The following SLC23A2 variants were observed in gnomAD, a reference collection of about 807,000 sequenced individuals.
The protein encoded by SLC23A2 is Na(+)/L-ascorbic acid transporter 2.
Under a neutral mutation model 73.3 loss-of-function variants are expected in SLC23A2, and 36 were observed. The ratio of observed to expected loss-of-function variants is 0.49; its 90% confidence interval spans 0.38 to 0.65. The LOEUF (loss-of-function observed/expected upper bound fraction) is 0.65, where lower values mean the gene tolerates loss of function less well. Among genes scored for constraint, SLC23A2 ranks in the 30% least tolerant of loss-of-function variants. The pLI is 0.00. For synonymous variants in SLC23A2, 343 were observed against 327.3 expected (o/e 1.05, Z -0.52); for missense variants, 507 against 841.6 (o/e 0.60, Z 4.92).
At position 4,906,227 on chromosome 20, in the gene SLC23A2, C is replaced by T. The variant is rs190706532; in HGVS notation, c.208-3669G>A. Among the ~76,000 whole-genome samples, 5 of 152,132 alleles carry T rather than the reference C, an allele frequency of 3.3e-5. No individual in the cohort carries two copies. The East Asian group carries it at 7.7e-4, about 24-fold the overall frequency. On this transcript the variant is annotated intron_variant, in intron 4 of 16. Coordinates refer to ENST00000338244, the MANE Select transcript of SLC23A2 (RefSeq NM_005116.6). ...GTGGTGGCACATGCCAGTGATCACC[C>T]GCTCAGGAGTCTGAGGTAGGAGCAT...
At chr20:4,943,961 G>C (rs1002346170) in intron 2 of SLC23A2, among the ~76,000 whole-genome samples, 1 of 152,124 alleles carries the variant, frequency 6.6e-6, no homozygotes, top group Admixed American at 6.5e-5. Context: ...ACCATTCTAC[G>C]GGAAGCGGAG....
At chr20:4,911,817 C>T (rs11905515) in intron 4 of SLC23A2, among the ~76,000 whole-genome samples, 1,733 of 150,956 alleles carry the variant, frequency 0.011, 36 homozygotes, top group African/African-American at 0.039. Context: ...TCTGGACCTA[C>T]TTTATTTTAT....
intron 3 of SLC23A2, among the ~76,000 whole-genome samples, chr20:4,928,807 T>C (rs1453592526): frequency 6.6e-6 from 1 of 152,182 alleles, no homozygotes. Flanking sequence ...CCAGCTCCCA[T>C]GCTCTCACAG....
At chr20:4,977,644 G>A (rs992860513) in intron 1 of SLC23A2, among the ~76,000 whole-genome samples, 1 of 150,892 alleles carries the variant, frequency 6.6e-6, no homozygotes, top group Non-Finnish European at 1.5e-5. Flanking sequence ...GCTGCAGTGA[G>A]CTGAGACTGC....
intron 9 of SLC23A2, among the ~76,000 whole-genome samples, chr20:4,879,787 T>G (rs1206590740): frequency 6.6e-6 from 1 of 152,252 alleles, no homozygotes; most frequent in African/African-American, 2.4e-5. Context: ...GCATTATGCC[T>G]TGTTCTTTCA....
At chr20:4,903,370 T>G (rs889765480) in intron 4 of SLC23A2, among the ~76,000 whole-genome samples, 2 of 152,096 alleles carry the variant, frequency 1.3e-5, no homozygotes, top group African/African-American at 2.4e-5. Flanking sequence ...TAGCCCCGAG[T>G]TCCCCAGGAG....
At chr20:4,967,157 A>G (rs2087488188) in intron 2 of SLC23A2, among the ~76,000 whole-genome samples, 2 of 152,140 alleles carry the variant, frequency 1.3e-5, no homozygotes, top group South Asian at 2.1e-4. Flanking sequence ...AAAGGTAAAC[A>G]TTACTCAAAT....
At chr20:4,864,470 G>T (rs970850157) in intron 13 of SLC23A2, among the ~76,000 whole-genome samples, 10 of 152,166 alleles carry the variant, frequency 6.6e-5, no homozygotes, top group Admixed American at 6.5e-4. Flanking sequence ...ACCACAGACG[G>T]CAGGGAAGCA....
chr20:4,948,040 G>A (rs60119693), intron 2 of SLC23A2, among the ~76,000 whole-genome samples: 1 of 152,080 alleles, frequency 6.6e-6, no homozygotes, highest in Non-Finnish European at 1.5e-5. Context: ...CCTCTTTCCA[G>A]CACAGTCCCT....
intron 2 of SLC23A2, among the ~76,000 whole-genome samples, chr20:4,948,708 C>T (rs117516949): frequency 1.4e-3 from 213 of 152,338 alleles, no homozygotes; most frequent in Non-Finnish European, 2.4e-3. Flanking sequence ...GTATGTTATA[C>T]ACTCTTTTTC....
chr20:4,894,913 G>A (rs569510471), intron 6 of SLC23A2, among the ~76,000 whole-genome samples: 6 of 152,352 alleles, frequency 3.9e-5, no homozygotes, highest in Admixed American at 1.3e-4. Context: ...TGAGGGGGAC[G>A]ACTTGACCAC....
intron 3 of SLC23A2, among the ~76,000 whole-genome samples, chr20:4,930,435 ATTAG>A (rs1388716753): frequency 6.6e-6 from 1 of 152,240 alleles, no homozygotes; most frequent in Non-Finnish European, 1.5e-5. Context: ...CAGTTGTAAA[ATTAG>A]TTAAACAGCT....
Position 4,983,841 on chromosome 20 carries a change from T to A in SLC23A2, c.-281-12922A>T, listed in dbSNP as rs573798005. ...CGTGGTGGTGCATGCCTGTAATCCCTGCTATTCGGGAGGCTGAGGCAGGAG... is the reference window on the plus strand; with the variant it reads ...CGTGGTGGTGCATGCCTGTAATCCCAGCTATTCGGGAGGCTGAGGCAGGAG... On this transcript the variant is annotated intron_variant, in intron 1 of 16. Coordinates refer to ENST00000338244, the MANE Select transcript of SLC23A2 (RefSeq NM_005116.6). Among the ~76,000 whole-genome samples, 29 of 141,810 alleles carry A rather than the reference T, an allele frequency of 2.0e-4. No homozygotes were observed. The East Asian group carries it at 4.7e-3, about 23-fold the overall frequency. 93.0% of individuals were successfully genotyped at this position (141,810 alleles called of 152,430 possible).
At chr20:4,919,410 A>G (rs1424145597) in intron 3 of SLC23A2, among the ~76,000 whole-genome samples, 1 of 152,102 alleles carries the variant, frequency 6.6e-6, no homozygotes, top group Non-Finnish European at 1.5e-5. Context: ...AGCCAGAAGC[A>G]CCCCGGGGAT....
upstream of SLC23A2, among the ~76,000 whole-genome samples, chr20:5,005,842 C>T (rs11904987): frequency 0.036 from 5,532 of 151,974 alleles, 301 homozygotes; most frequent in South Asian, 0.15. Context: ...CAAAATTAGC[C>T]GGGCATGGTG....
chr20:4,872,656 G>T lies in SLC23A2; in HGVS notation c.1102+1280C>A, dbSNP rs1000241844. On this transcript the variant is annotated intron_variant, in intron 11 of 16. Transcript: ENST00000338244. The surrounding 1 kb of genome is among the most constrained non-coding windows in gnomAD (Gnocchi z 4.4). Reference sequence around the variant, plus strand: ...TAATTTCATTTTATCTCAGACTACAGGTATGTTTATGAACCATGCACATTC... The same window carrying T: ...TAATTTCATTTTATCTCAGACTACATGTATGTTTATGAACCATGCACATTC... Among the ~76,000 whole-genome samples, 2 of 152,122 alleles carry T rather than the reference G, an allele frequency of 1.3e-5. No homozygotes were observed. Among genetic ancestry groups the T allele is most frequent in the African/African-American group, 4.8e-5 (2 of 41,418 alleles).
intron 15 of SLC23A2, among the ~76,000 whole-genome samples, chr20:4,860,586 C>A (rs1318605721): frequency 6.6e-6 from 1 of 152,172 alleles, no homozygotes; most frequent in Non-Finnish European, 1.5e-5. Context: ...CTGCTTGTGG[C>A]AACTCTACGA....
At chr20:4,983,081 G>A (rs1388904581) in intron 1 of SLC23A2, among the ~76,000 whole-genome samples, 1 of 151,838 alleles carries the variant, frequency 6.6e-6, no homozygotes, top group Non-Finnish European at 1.5e-5. Context: ...CTCCAGCCTG[G>A]GCAACGAGAG....
chr20:4,923,178 G>A (rs946837555), intron 3 of SLC23A2, among the ~76,000 whole-genome samples: 1 of 149,812 alleles, frequency 6.7e-6, no homozygotes, highest in Admixed American at 6.7e-5. Flanking sequence ...AGGCCAAGGT[G>A]GGAAGACTGC....
Sources: allele counts gnomAD v4.1 joint callset (sites outside exome capture counted in the v4.1 genomes callset), GRCh38; gene constraint gnomAD v4.1.1; non-coding constraint Gnocchi (gnomAD v3.1); transcripts MANE v1.5; gene names NCBI Gene and HGNC (gene_info 2026-07-23, HGNC 2026-07-21).